The following APP variants were observed in gnomAD, a reference collection of about 807,000 sequenced individuals.
APP encodes amyloid-beta precursor protein.
APP carries 31 observed loss-of-function variants against 101.4 expected under a neutral mutation model. The observed-to-expected ratio is 0.31, with a 90% CI of 0.23 to 0.41. APP has a LOEUF of 0.41. Among genes scored for constraint, APP ranks in the 10% least tolerant of loss-of-function variants. APP has a pLI of 1.00. For synonymous variants in APP, 366 were observed against 364.4 expected, an observed-to-expected ratio of 1.00 and a Z score of -0.05; for missense variants, 839 against 1,003.7, an observed-to-expected ratio of 0.84 and a Z score of 2.22.
chr21:26,168,346 G>C (rs755089298), intron 1 of APP, among the ~76,000 whole-genome samples: 14 of 152,072 alleles, frequency 9.2e-5, no homozygotes, highest in Non-Finnish European at 1.5e-4. Context: ...TGGACACAGA[G>C]AGAACCAGAT....
intron 5 of APP, among the ~76,000 whole-genome samples, chr21:26,038,133 A>G (rs1252348106): frequency 6.6e-6 from 1 of 152,178 alleles, no homozygotes; most frequent in East Asian, 1.9e-4. Context: ...ATCATGAGAC[A>G]TCATACTTTC....
intron 6 of APP, among the ~76,000 whole-genome samples, chr21:26,015,465 AG>A (rs1194804834): frequency 6.6e-6 from 1 of 152,252 alleles, no homozygotes; most frequent in East Asian, 1.9e-4. Context: ...TTACACAGTT[AG>A]TAGCTTGTAA....
At chr21:26,067,917 T>TAAA (rs142161485) in intron 3 of APP, among the ~76,000 whole-genome samples, 6 of 143,394 alleles carry the variant, frequency 4.2e-5, no homozygotes, top group African/African-American at 1.5e-4. Flanking sequence ...CTGCCTTATT[T>TAAA]AAAAAAAAAA....
chr21:26,117,795 A>G (rs144907190), intron 1 of APP, among the ~76,000 whole-genome samples: 7 of 152,342 alleles, frequency 4.6e-5, no homozygotes, highest in African/African-American at 1.7e-4. Flanking sequence ...GAGTTGCCAC[A>G]TCTATTCACA....
chr21:26,098,992 T>C (rs924373775), intron 2 of APP, among the ~76,000 whole-genome samples: 1 of 152,188 alleles, frequency 6.6e-6, no homozygotes, highest in Non-Finnish European at 1.5e-5. Flanking sequence ...CAAGACTGAC[T>C]AGATTTGATC....
At chr21:25,925,170 CA>C (rs5843181) in intron 13 of APP, among the ~76,000 whole-genome samples, 152,262 of 152,262 alleles carry the variant, frequency 1, 76,131 homozygotes, top group Non-Finnish European at 1. Context: ...CACTGTAAAT[CA>C]AGCGGTCACC....
At chr21:26,021,249 T>C (rs989326195) in intron 6 of APP, among the ~76,000 whole-genome samples, 2 of 152,104 alleles carry the variant, frequency 1.3e-5, no homozygotes, top group Admixed American at 6.5e-5. Context: ...GTTTTCACCA[T>C]GTTGGCCAGA....
intron 11 of APP, among the ~76,000 whole-genome samples, chr21:25,965,320 C>T (rs544527072): frequency 3.9e-5 from 6 of 152,244 alleles, no homozygotes; most frequent in East Asian, 1.9e-4. Flanking sequence ...TCTGATCATC[C>T]GAAAAATGCC....
At chr21:26,155,472 G>A (rs1012997220) in intron 1 of APP, among the ~76,000 whole-genome samples, 5 of 151,794 alleles carry the variant, frequency 3.3e-5, no homozygotes, top group Admixed American at 6.6e-5. Flanking sequence ...TAGATCTAAC[G>A]GTCCTATTAT....
chr21:26,143,232 G>A (rs1456480531), intron 1 of APP, among the ~76,000 whole-genome samples: 3 of 152,122 alleles, frequency 2.0e-5, no homozygotes, highest in African/African-American at 7.2e-5. Context: ...CTAATATGTC[G>A]GGAGGCCAAG....
intron 3 of APP, among the ~76,000 whole-genome samples, chr21:26,086,630 G>A (rs1165740691): frequency 6.6e-6 from 1 of 151,590 alleles, no homozygotes; most frequent in East Asian, 1.9e-4. Flanking sequence ...GCATACTTAT[G>A]TTAATGCTGA....
intron 17 of APP, among the ~76,000 whole-genome samples, chr21:25,882,467 T>G (rs1254138000): frequency 1.3e-5 from 2 of 150,520 alleles, no homozygotes; most frequent in Non-Finnish European, 3.0e-5. Context: ...CAGCTCAAAG[T>G]TTAAAATCAG....
intron 5 of APP, among the ~76,000 whole-genome samples, chr21:26,031,021 GCACATTA>G (rs45441098): frequency 0.019 from 2,920 of 152,306 alleles, 86 homozygotes; most frequent in African/African-American, 0.067. Context: ...TGTTACACTA[GCACATTA>G]CAAGGTGACA....
intron 3 of APP, among the ~76,000 whole-genome samples, chr21:26,073,694 G>T (rs1301309859): frequency 6.6e-6 from 1 of 152,128 alleles, no homozygotes; most frequent in Non-Finnish European, 1.5e-5. Context: ...TTAAATACAG[G>T]GTCAGTAGGC....
At chr21:25,904,725 T>C (rs2038695113) in intron 15 of APP, among the ~76,000 whole-genome samples, 2 of 148,034 alleles carry the variant, frequency 1.4e-5, no homozygotes, top group Middle Eastern at 3.4e-3. Flanking sequence ...TCTCTGTTTT[T>C]GTTTTGTTTT....
Position 25,996,421 on chromosome 21 carries a change from T to G in APP, c.1090+939A>C, listed in dbSNP as rs575568979. On this transcript the variant is annotated intron_variant, in intron 8 of 17. Coordinates refer to ENST00000346798, the MANE Select transcript of APP (RefSeq NM_000484.4). ...TCCATGTACTACAATACCATGAATA[T>G]TAAGTACTTTTTCTGAGGAAACAAG... Among the ~76,000 whole-genome samples, 12 of 152,330 alleles carry G rather than the reference T, an allele frequency of 7.9e-5. No homozygotes were observed. In the East Asian group the frequency reaches 2.1e-3, roughly 27 times the overall value.
Position 26,042,687 on chromosome 21 carries a change from A to G in APP, c.662+8313T>C, listed in dbSNP as rs564120520. ...GAGGCCCAGGCAGGAGGATCACTTG[A>G]GGCCAGGAGTTTGAAAACAGTCTGG... On this transcript the variant is annotated intron_variant, in intron 5 of 17. Transcript: ENST00000346798. Among the ~76,000 whole-genome samples, 223 of 152,108 alleles carry G rather than the reference A, an allele frequency of 1.5e-3. 2 individuals are homozygous for G. Among genetic ancestry groups the G allele is most frequent in the African/African-American group, 5.2e-3 (215 of 41,382 alleles).
At chr21:25,997,512 A>G in intron 7 of APP, 96 bp from the exon 8 acceptor site, 2 of 1,114,614 alleles carry the variant, frequency 1.8e-6, no homozygotes, top group Non-Finnish European at 2.7e-6. Context: ...AAACAACCTA[A>G]CAAACAAAAT....
chr21:25,956,617 A>G (rs2041333402), intron 11 of APP, among the ~76,000 whole-genome samples: 1 of 152,228 alleles, frequency 6.6e-6, no homozygotes, highest in African/African-American at 2.4e-5. Flanking sequence ...CATGTTGGGA[A>G]TAGAATTTTG....
Sources: gnomAD v4.1 joint callset for allele counts (sites outside exome capture counted in the v4.1 genomes callset) on GRCh38, gnomAD v4.1.1 for gene constraint, MANE v1.5 for transcripts, NCBI Gene and HGNC (gene_info 2026-07-23, HGNC 2026-07-21) for gene names.